CTNNBL1: variants seen among roughly 807,000 people sequenced by gnomAD.
CTNNBL1 encodes the protein beta-catenin-like protein 1.
A neutral mutation model predicts 72.7 loss-of-function variants in CTNNBL1; 31 were observed. That is an observed-to-expected ratio of 0.43 (90% CI 0.32 to 0.58). CTNNBL1 has a LOEUF of 0.58. Among genes scored for constraint, CTNNBL1 ranks in the 20% least tolerant of loss-of-function variants. The pLI, the probability that CTNNBL1 is intolerant of heterozygous loss-of-function variation, is 0.08. For missense variants in CTNNBL1, 534 were observed against 725.1 expected (o/e 0.74, Z 3.03); for synonymous variants, 240 against 267.3 (o/e 0.90, Z 1.00).
intron 4 of CTNNBL1, among the ~76,000 whole-genome samples, chr20:37,755,394 C>G (rs1336237462): frequency 6.6e-6 from 1 of 152,168 alleles, no homozygotes; most frequent in Non-Finnish European, 1.5e-5. Context: ...TCGGTTTACT[C>G]TGTATCAGGC....
intron 10 of CTNNBL1, among the ~76,000 whole-genome samples, chr20:37,792,596 C>T (rs549871636): frequency 2.0e-5 from 3 of 152,224 alleles, no homozygotes; most frequent in Non-Finnish European, 2.9e-5. Flanking sequence ...AGGAAATGCT[C>T]GTTGGAGCAT....
chr20:37,780,636 G>A (rs2073617753), intron 10 of CTNNBL1, among the ~76,000 whole-genome samples: 1 of 152,058 alleles, frequency 6.6e-6, no homozygotes, highest in African/African-American at 2.4e-5. Context: ...TTCTTCTGTT[G>A]TTGGCATTGA....
At chr20:37,805,998 A>G (rs1391007856) in intron 11 of CTNNBL1, among the ~76,000 whole-genome samples, 1 of 152,234 alleles carries the variant, frequency 6.6e-6, no homozygotes, top group Non-Finnish European at 1.5e-5. Context: ...GTTGAAGTCA[A>G]TACAGTTGAT....
intron 2 of CTNNBL1, among the ~76,000 whole-genome samples, chr20:37,736,432 TAGC>T (rs2073172330): frequency 6.6e-6 from 1 of 152,216 alleles, no homozygotes. Context: ...CTTACATGTA[TAGC>T]AAAGGATGAC....
At chr20:37,769,294 C>T (rs144744254) in intron 7 of CTNNBL1, among the ~76,000 whole-genome samples, 33 of 152,286 alleles carry the variant, frequency 2.2e-4, no homozygotes, top group African/African-American at 7.5e-4. Flanking sequence ...AAAGGCTATG[C>T]ACCTTAACAT....
rs79827836 is a variant in CTNNBL1 at position 37,744,207 on chromosome 20, A to G, written c.327-2261A>G. Among the ~76,000 whole-genome samples the G allele has an allele frequency of 3.9e-3, 598 of 152,366 alleles. 6 individuals carry two copies. Among genetic ancestry groups the G allele is most frequent in the African/African-American group, 0.014 (567 of 41,584 alleles). On this transcript the variant is annotated intron_variant, in intron 3 of 15. Coordinates refer to ENST00000361383, the MANE Select transcript of CTNNBL1 (RefSeq NM_030877.5). ...CTTACTATCAGAAATGCAAAATACA[A>G]AATGAGTTGTCTTTTCTATCTCAAA...
intron 10 of CTNNBL1, among the ~76,000 whole-genome samples, chr20:37,799,025 C>T (rs775552095): frequency 4.6e-5 from 7 of 152,288 alleles, no homozygotes; most frequent in Admixed American, 2.0e-4. Context: ...AAAATCCCTT[C>T]GTACTGAATT....
intron 4 of CTNNBL1, among the ~76,000 whole-genome samples, chr20:37,755,649 G>A (rs937543425): frequency 2.6e-5 from 4 of 152,182 alleles, no homozygotes; most frequent in Non-Finnish European, 4.4e-5. Flanking sequence ...AGACCTGCAT[G>A]TAATACCCAG....
chr20:37,694,239 C>T (rs1389790210), intron 1 of CTNNBL1, 87 bp downstream of exon 1: 1 of 1,233,246 alleles, frequency 8.1e-7, no homozygotes, highest in Non-Finnish European at 1.1e-6. Context: ...CACCTCCTCT[C>T]GCCTCACTCC....
chr20:37,839,860 G>A (rs2122811495), intron 11 of CTNNBL1, among the ~76,000 whole-genome samples: 1 of 152,242 alleles, frequency 6.6e-6, no homozygotes, highest in Middle Eastern at 3.4e-3. Flanking sequence ...TTCTAACTTA[G>A]TTTTGATTCA....
chr20:37,718,455 C>T lies in CTNNBL1; in HGVS notation c.31-14424C>T, dbSNP rs369568442. On this transcript the variant is annotated intron_variant, in intron 1 of 15. Coordinates refer to ENST00000361383, the MANE Select transcript of CTNNBL1 (RefSeq NM_030877.5). ...CTCCCGGACGGGGTGGCTGGCCGGGCGGGGGGCTGACCCCCCCACCTCCCT... is the reference window on the plus strand; with the variant it reads ...CTCCCGGACGGGGTGGCTGGCCGGGTGGGGGGCTGACCCCCCCACCTCCCT... Among the ~76,000 whole-genome samples, 194 of 136,706 alleles carry T rather than the reference C, an allele frequency of 1.4e-3. 1 individual carries two copies. The East Asian group carries it at 0.033, about 23-fold the overall frequency. The allele number at this position is 136,706 out of a possible 152,430, so 89.7% of individuals were successfully genotyped here. A position where few individuals can be genotyped will look rare whatever the true frequency, so the allele number is the denominator to read the frequency against.
intron 1 of CTNNBL1, among the ~76,000 whole-genome samples, chr20:37,707,711 T>A (rs373563224): frequency 1.3e-5 from 2 of 152,256 alleles, no homozygotes; most frequent in South Asian, 2.1e-4. Context: ...GAGCTTTTCC[T>A]GTGCATTCAC....
intron 7 of CTNNBL1, among the ~76,000 whole-genome samples, chr20:37,776,873 A>G (rs914023772): frequency 2.6e-5 from 4 of 152,238 alleles, no homozygotes; most frequent in Non-Finnish European, 5.9e-5. Flanking sequence ...AAAAAAATCC[A>G]GAAGGAACTA....
At chr20:37,791,388 G>C (rs171136) in intron 10 of CTNNBL1, among the ~76,000 whole-genome samples, 129,322 of 152,254 alleles carry the variant, frequency 0.85, 55,402 homozygotes, top group African/African-American at 0.96. Flanking sequence ...TCCAGTTGCT[G>C]CACATGGAGC....
chr20:37,772,359 T>G (rs1236310236), intron 7 of CTNNBL1, among the ~76,000 whole-genome samples: 1 of 152,164 alleles, frequency 6.6e-6, no homozygotes, highest in Non-Finnish European at 1.5e-5. Context: ...TTGTTGTTTT[T>G]GTTGTTTTTG....
At chr20:37,747,567 C>T (rs2073278468) in intron 4 of CTNNBL1, among the ~76,000 whole-genome samples, 1 of 151,808 alleles carries the variant, frequency 6.6e-6, no homozygotes. Flanking sequence ...TTTTGTCTTT[C>T]AGTGTTATTT....
At chr20:37,745,996 G>A (rs745778172) in intron 3 of CTNNBL1, among the ~76,000 whole-genome samples, 1 of 152,184 alleles carries the variant, frequency 6.6e-6, no homozygotes, top group Non-Finnish European at 1.5e-5. Context: ...AGGAGGAAGA[G>A]GGAGGGCATT....
intron 5 of CTNNBL1, among the ~76,000 whole-genome samples, chr20:37,761,856 G>C (rs1568768619): frequency 6.6e-6 from 1 of 152,244 alleles, no homozygotes; most frequent in Non-Finnish European, 1.5e-5. Flanking sequence ...AGAGCAGGAT[G>C]GGAAAAGGGC....
At position 37,872,065 on chromosome 20, in the gene CTNNBL1, C is replaced by T; in HGVS notation, c.*52C>T. ...ACTCTCTCAGCTTCCCTCCCAGGAT[C>T]AGTTTCTACACAACTCTGTGTGGCT... On this transcript the variant is annotated 3_prime_UTR_variant, in exon 16 of 16. Transcript: ENST00000361383. The T allele has an allele frequency of 7.0e-7, 1 of 1,436,498 alleles. No homozygotes were observed. Among genetic ancestry groups the T allele is most frequent in the South Asian group, 1.1e-5 (1 of 87,548 alleles). 89.0% of individuals were successfully genotyped at this position (1,436,498 alleles called of 1,614,324 possible). A position where few individuals can be genotyped will look rare whatever the true frequency, so the allele number is the denominator to read the frequency against.
Sources: allele counts gnomAD v4.1 joint callset (sites outside exome capture counted in the v4.1 genomes callset), GRCh38; gene constraint gnomAD v4.1.1; transcripts MANE v1.5; gene names NCBI Gene and HGNC (gene_info 2026-07-23, HGNC 2026-07-21).